Variants in TMLHE observed in about 807,000 individuals in gnomAD.
The protein encoded by TMLHE is trimethyllysine hydroxylase, epsilon, also known as trimethyllysine dioxygenase, mitochondrial.
In TMLHE, 18 loss-of-function variants were observed where a neutral mutation model predicts 25.7. The ratio of observed to expected loss-of-function variants is 0.70; its 90% confidence interval spans 0.48 to 1.04. TMLHE has a LOEUF of 1.04. TMLHE is among the 50% of genes least tolerant of loss of function. TMLHE has a pLI of 0.00. For synonymous variants in TMLHE, 105 were observed against 97.0 expected (o/e 1.08, Z -0.49); for missense variants, 236 against 259.0 (o/e 0.91, Z 0.61).
intron 1 of TMLHE, among the ~76,000 whole-genome samples, chrX:155,565,773 G>A (rs2067509895): frequency 3.2e-5 from 2 of 62,164 alleles, no homozygotes; most frequent in African/African-American, 7.2e-5. Context: ...GGTGGAAGAG[G>A]TGCCTCGATA....
intron 3 of TMLHE, among the ~76,000 whole-genome samples, chrX:155,521,812 GACTCGGAAAGGGA>G (rs2067187979): frequency 1.4e-5 from 1 of 73,962 alleles, no homozygotes; most frequent in African/African-American, 5.1e-5. Flanking sequence ...CCCTTTCTTT[GACTCGGAAAGGGA>G]ACTCCCTGAC....
intron 1 of TMLHE, among the ~76,000 whole-genome samples, chrX:155,590,225 A>G (rs1233685232): frequency 2.7e-5 from 3 of 112,179 alleles, no homozygotes; most frequent in Admixed American, 9.4e-5. Flanking sequence ...CTAAAAGACA[A>G]TTGTATAAAA....
At chrX:155,583,210 A>T (rs782109392) in intron 1 of TMLHE, among the ~76,000 whole-genome samples, 1 of 111,567 alleles carries the variant, frequency 9.0e-6, no homozygotes, top group East Asian at 2.8e-4. Flanking sequence ...ATTAGGAGAT[A>T]TACCTAATGT....
At position 155,586,051 on chromosome X, in the gene TMLHE, C is replaced by T. The variant is rs781853075; in HGVS notation, c.-2+26741G>A. Among the ~76,000 whole-genome samples the T allele has an allele frequency of 1.3e-3, 148 of 109,821 alleles. 1 individual carries two copies. Among genetic ancestry groups the T allele is most frequent in the African/African-American group, 4.1e-3 (123 of 30,132 alleles). ...ACCAGCCTGACCAACATGGAGAAAC[C>T]CCGTCTCTACTAAAAATACAAAAAA... is the stretch of plus-strand genomic sequence containing the variant. On this transcript the variant is annotated intron_variant, in intron 1 of 7. Coordinates refer to ENST00000334398, the MANE Select transcript of TMLHE (RefSeq NM_018196.4).
intron 1 of TMLHE, among the ~76,000 whole-genome samples, chrX:155,587,673 A>G (rs1280078324): frequency 5.3e-5 from 6 of 112,430 alleles, no homozygotes; most frequent in African/African-American, 1.9e-4. Flanking sequence ...TTTAGGATAC[A>G]AAGTCAACAT....
intron 4 of TMLHE, among the ~76,000 whole-genome samples, chrX:155,513,287 G>GA (rs1257731680): frequency 9.0e-6 from 1 of 111,365 alleles, no homozygotes; most frequent in African/African-American, 3.3e-5. Flanking sequence ...TAATGGTAAT[G>GA]AAAAAAACAA....
intron 3 of TMLHE, 62 bp from the exon 4 acceptor site, chrX:155,514,327 G>C (rs2067138228): frequency 3.8e-6 from 4 of 1,066,090 alleles, no homozygotes; most frequent in Non-Finnish European, 5.0e-6. Flanking sequence ...ATTTGTAATT[G>C]GTTACAACTA....
intron 1 of TMLHE, among the ~76,000 whole-genome samples, chrX:155,566,054 G>GA (rs1219044553): frequency 1.6e-5 from 1 of 61,424 alleles, no homozygotes; most frequent in Non-Finnish European, 4.6e-5. Context: ...TGAATAGCTA[G>GA]AAAAAAAATG....
chrX:155,557,980 C>A (rs1163731806), intron 1 of TMLHE, among the ~76,000 whole-genome samples: 1 of 111,847 alleles, frequency 8.9e-6, no homozygotes, highest in Admixed American at 9.5e-5. Flanking sequence ...ATTGACCTAT[C>A]CACTCTTGCC....
At chrX:155,529,547 G>C (rs73577035) in intron 2 of TMLHE, among the ~76,000 whole-genome samples, 148 of 111,208 alleles carry the variant, frequency 1.3e-3, no homozygotes, top group African/African-American at 4.7e-3. Context: ...TATTCTAATG[G>C]GTGTCAGGTG....
chrX:155,540,086 C>A (rs2067302051), intron 2 of TMLHE, among the ~76,000 whole-genome samples: 1 of 108,637 alleles, frequency 9.2e-6, no homozygotes, highest in African/African-American at 3.3e-5. Flanking sequence ...ACGCATGATG[C>A]AAATCACAAA....
At chrX:155,583,628 C>T (rs2067646436) in intron 1 of TMLHE, among the ~76,000 whole-genome samples, 2 of 111,787 alleles carry the variant, frequency 1.8e-5, no homozygotes, top group African/African-American at 6.5e-5. Context: ...TACTATTCAG[C>T]CATAAAAAAT....
chrX:155,545,337 G>A (rs991474822), intron 1 of TMLHE, 60 bp from the exon 2 acceptor site: 4 of 865,546 alleles, frequency 4.6e-6, no homozygotes, highest in Non-Finnish European at 6.4e-6. Context: ...TGAGGCTATA[G>A]GAATAACACT....
At position 155,574,295 on chromosome X, in the gene TMLHE, A is replaced by G. The variant is rs781998322; in HGVS notation, c.-1-29018T>C. The stretch of plus-strand genomic sequence containing the variant: ...ACTGCACACTTGCTTATGAAAGGTC[A>G]GAGTGGATCCTAGATATGCACTTGT... On this transcript the variant is annotated intron_variant, in intron 1 of 7. Coordinates refer to ENST00000334398, the MANE Select transcript of TMLHE (RefSeq NM_018196.4). Among the ~76,000 whole-genome samples the G allele has an allele frequency of 2.2e-4, 23 of 103,402 alleles. 4 individuals carry two copies. The highest frequency in any genetic ancestry group is 1.0e-3 in the African/African-American group (23 of 22,654). The allele number at this position is 103,402 out of a possible 115,157, so 89.8% of individuals were successfully genotyped here. A position where few individuals can be genotyped will look rare whatever the true frequency, so the allele number is the denominator to read the frequency against.
Position 155,511,773 on chromosome X carries a change from T to C in TMLHE, c.658A>G (p.Met220Val). The change falls in exon 5 of 8, where the codon ATG (methionine) becomes GTG (valine). Residue 220 changes from methionine to valine, a missense_variant. This residue lies in a region of TMLHE where 217 missense variants were observed against 214.6 expected (regional missense o/e 1.01). Coordinates refer to ENST00000334398, the MANE Select transcript of TMLHE (RefSeq NM_018196.4). The part of the protein sequence containing the change: ...SLIRETIYGR[M>V]WYFTSDFSRG... ...GAGAAGTCTGAAGTGAAATACCACA[T>C]CCTCCCATAAATGGTTTCTCTGTTA... 8.4e-7 allele frequency: 1 copy of C among 1,186,971 alleles called. No individual in the cohort carries two copies. Among genetic ancestry groups the C allele is most frequent in the Non-Finnish European group, 1.1e-6 (1 of 878,833 alleles).
At chrX:155,530,479 C>G (rs2067243715) in intron 2 of TMLHE, among the ~76,000 whole-genome samples, 1 of 110,949 alleles carries the variant, frequency 9.0e-6, no homozygotes, top group South Asian at 3.8e-4. Flanking sequence ...ATCTAGATGT[C>G]TGTTATATAA....
chrX:155,601,683 T>C (rs928542388), intron 1 of TMLHE, among the ~76,000 whole-genome samples: 31 of 111,407 alleles, frequency 2.8e-4, no homozygotes, highest in Non-Finnish European at 5.7e-4. Context: ...TAAAGCCAGA[T>C]GTACATCTAT....
At chrX:155,527,241 C>T (rs1428626427) in intron 2 of TMLHE, among the ~76,000 whole-genome samples, 1 of 111,437 alleles carries the variant, frequency 9.0e-6, no homozygotes, top group Non-Finnish European at 1.9e-5. Context: ...GGCAAATTCC[C>T]CCCTTGCTGC....
At chrX:155,519,270 C>T (rs2067179237) in intron 3 of TMLHE, among the ~76,000 whole-genome samples, 2 of 12,057 alleles carry the variant, frequency 1.7e-4, no homozygotes, top group East Asian at 3.6e-3. Context: ...GCCTTCATTT[C>T]GTTATGTACC....
Sources: gnomAD v4.1 joint callset for allele counts (sites outside exome capture counted in the v4.1 genomes callset) on GRCh38, gnomAD v4.1.1 for gene constraint, gnomAD v4.1.1 regional missense constraint, MANE v1.5 for transcripts, NCBI Gene and HGNC (gene_info 2026-07-23, HGNC 2026-07-21) for gene names.